Variants in DIP2C observed in about 807,000 individuals in gnomAD.
DIP2C encodes disco-interacting protein 2 homolog C.
In DIP2C, 33 loss-of-function variants were observed where a neutral mutation model predicts 192.4. The ratio of observed to expected loss-of-function variants is 0.17; its 90% CI spans 0.13 to 0.23. The LOEUF (loss-of-function observed/expected upper bound fraction) is 0.23, where lower values mean the gene tolerates loss of function less well. Among genes scored for constraint, DIP2C ranks in the 10% least tolerant of loss-of-function variants. DIP2C has a pLI of 1.00. For missense variants in DIP2C, 1,537 were observed against 2,110.1 expected (o/e 0.73, Z 5.32); for synonymous variants, 979 against 864.1 (o/e 1.13, Z -2.33).
intron 4 of DIP2C, 90 bp downstream of exon 4, chr10:440,781 T>G (rs1012009374): frequency 6.7e-7 from 1 of 1,497,768 alleles, no homozygotes; most frequent in Non-Finnish European, 8.9e-7. Flanking sequence ...CTTCATTATT[T>G]TGAAAGCAAA....
At chr10:486,062 G>T (rs961164114) in intron 2 of DIP2C, among the ~76,000 whole-genome samples, 1 of 152,220 alleles carries the variant, frequency 6.6e-6, no homozygotes, top group Non-Finnish European at 1.5e-5. Flanking sequence ...CCTGGGCGGG[G>T]TATCACAGCA....
chr10:525,206 CATTTTATA>C (rs1564818503), intron 1 of DIP2C, among the ~76,000 whole-genome samples: 1 of 152,138 alleles, frequency 6.6e-6, no homozygotes, highest in Non-Finnish European at 1.5e-5. Flanking sequence ...ATCACATTTT[CATTTTATA>C]ATTTCAAAAT....
At chr10:449,993 T>C (rs1380734516) in intron 3 of DIP2C, among the ~76,000 whole-genome samples, 1 of 148,710 alleles carries the variant, frequency 6.7e-6, no homozygotes, top group Non-Finnish European at 1.5e-5. Flanking sequence ...AGGAGTGAAA[T>C]GGGTGCTGGG....
In DIP2C at chr10:680,984, C is replaced by T. The variant is rs189430568; in HGVS notation, c.85+8510G>A. On this transcript the variant is annotated intron_variant, in intron 1 of 36. Transcript: ENST00000280886. ...GACCCCAGTTGCATGGTGCAGCCAC[C>T]GCCTGCGGCCACGGAAATTCCAAGG... Among the ~76,000 whole-genome samples, 430 of 152,120 alleles carry T rather than the reference C, an allele frequency of 2.8e-3. 1 individual carries two copies. Among genetic ancestry groups the T allele is most frequent in the African/African-American group, 9.6e-3 (399 of 41,498 alleles).
chr10:540,380 C>T lies in DIP2C; in HGVS notation c.86-53850G>A, dbSNP rs183048112. On this transcript the variant is annotated intron_variant, in intron 1 of 36. Coordinates refer to ENST00000280886, the MANE Select transcript of DIP2C (RefSeq NM_014974.3). The stretch of plus-strand genomic sequence containing the variant: ...GGGAAAGCTGCCCGGCCCAGCACTT[C>T]CTGAGATCACACAGAGCTTCCACCT... Among the ~76,000 whole-genome samples the T allele has an allele frequency of 3.0e-4, 45 of 152,358 alleles. 1 individual carries two copies. Among genetic ancestry groups the T allele is most frequent in the Admixed American group, 2.5e-3 (38 of 15,308 alleles).
intron 1 of DIP2C, among the ~76,000 whole-genome samples, chr10:539,159 T>G (rs2089632287): frequency 6.6e-6 from 1 of 152,266 alleles, no homozygotes; most frequent in African/African-American, 2.4e-5. Flanking sequence ...CTATGGCATT[T>G]CTCATCAATT....
intron 17 of DIP2C, among the ~76,000 whole-genome samples, chr10:375,400 C>G (rs150593600): frequency 0.011 from 1,610 of 152,324 alleles, 20 homozygotes; most frequent in African/African-American, 0.028. Flanking sequence ...GCTTCTCTTA[C>G]AGCCTACAGA....
intron 1 of DIP2C, among the ~76,000 whole-genome samples, chr10:544,403 A>T (rs1383810750): frequency 6.6e-6 from 1 of 152,242 alleles, no homozygotes; most frequent in Admixed American, 6.5e-5. Flanking sequence ...AGATTCTTGC[A>T]TAAGATTTTT....
rs36043585 is a variant in DIP2C at position 454,625 on chromosome 10, G to A, written c.269-13629C>T. On this transcript the variant is annotated intron_variant, in intron 3 of 36. Transcript: ENST00000280886. ...GGGGATAAAAACATCAGCACCCTTC[G>A]AACCCCTCAGAGAAAGAGGTAGTAT... Among the ~76,000 whole-genome samples the A allele has an allele frequency of 3.4e-3, 337 of 98,972 alleles. 20 individuals are homozygous for A. Among genetic ancestry groups the A allele is most frequent in the African/African-American group, 0.026 (263 of 9,950 alleles). The allele number at this position is 98,972 out of a possible 152,430, so 64.9% of individuals were successfully genotyped here.
chr10:441,052 C>T (rs1967686892), intron 3 of DIP2C, 56 bp from the exon 4 acceptor site: 2 of 1,564,016 alleles, frequency 1.3e-6, no homozygotes, highest in African/African-American at 1.3e-5. Flanking sequence ...AGAGGCCAAG[C>T]TGCACCCTCC....
intron 1 of DIP2C, among the ~76,000 whole-genome samples, chr10:672,913 T>C (rs1371322665): frequency 6.6e-6 from 1 of 152,180 alleles, no homozygotes; most frequent in African/African-American, 2.4e-5. Context: ...TAAAAAAAAA[T>C]TACATGTACA....
chr10:549,621 G>A (rs1036919841), intron 1 of DIP2C, among the ~76,000 whole-genome samples: 2 of 152,068 alleles, frequency 1.3e-5, no homozygotes, highest in Non-Finnish European at 1.5e-5. Context: ...AGAGGGGAGG[G>A]GTGCCCCCGA....
intron 1 of DIP2C, among the ~76,000 whole-genome samples, chr10:522,808 T>A (rs1158555704): frequency 1.3e-5 from 2 of 152,230 alleles, no homozygotes; most frequent in Non-Finnish European, 2.9e-5. Flanking sequence ...TGTAGATACG[T>A]TCTCCCCGTC....
rs1275572475 is a variant in DIP2C at position 635,246 on chromosome 10, G to T, written c.85+54248C>A. ...CAAGGCAAATCCACCTGTGAATGGG[G>T]TGGGCTCCCAGCTGGCTGTGGATAT... On this transcript the variant is annotated intron_variant, in intron 1 of 36. Coordinates refer to ENST00000280886, the MANE Select transcript of DIP2C (RefSeq NM_014974.3). Among the ~76,000 whole-genome samples the T allele has an allele frequency of 2.6e-5, 4 of 152,356 alleles. No homozygotes were observed. The East Asian group carries it at 7.7e-4, about 29-fold the overall frequency.
intron 1 of DIP2C, among the ~76,000 whole-genome samples, chr10:683,739 G>A (rs567271214): frequency 1.3e-5 from 2 of 152,330 alleles, no homozygotes; most frequent in African/African-American, 4.8e-5. Flanking sequence ...CTCAGCCAAT[G>A]TGCACAGCAT....
rs1171042823 is a variant in DIP2C, at chr10:419,158, C to T, written c.646G>A (p.Glu216Lys). 1 of 1,614,252 alleles carries T rather than the reference C, an allele frequency of 6.2e-7. No homozygotes were observed. Among genetic ancestry groups the T allele is most frequent in the Non-Finnish European group, 8.5e-7 (1 of 1,180,046 alleles). Residue 216 changes from glutamate (E) to lysine (K), a missense_variant, in exon 6 of 37, where the codon GAG becomes AAG. Physicochemically the swap from Glu to Lys is moderately conservative, Grantham distance 56 (BLOSUM62 1). This residue lies in a region of DIP2C where 473 missense variants were observed against 539.6 expected (regional missense o/e 0.88). Coordinates refer to ENST00000280886, the MANE Select transcript of DIP2C (RefSeq NM_014974.3). Reference sequence around the variant, plus strand: ...GGTCTCTCCACCTGTATCGAGTGCTCTGAGGTGTACGTGGTTACGTCAGGA... The same window carrying T: ...GGTCTCTCCACCTGTATCGAGTGCTTTGAGGTGTACGTGGTTACGTCAGGA... ...APPDVTTYTS[E>K]HSIQVERPQG...
At chr10:678,651 CCTGTCCTCCCTGT>C in intron 1 of DIP2C, among the ~76,000 whole-genome samples, 1 of 32,260 alleles carries the variant, frequency 3.1e-5, no homozygotes, top group Non-Finnish European at 1.2e-4. Flanking sequence ...GCTCCCCGCA[CCTGTCCTCCCTGT>C]GCCCAGCTCC....
intron 1 of DIP2C, among the ~76,000 whole-genome samples, chr10:579,490 A>T (rs911139566): frequency 6.6e-6 from 1 of 151,608 alleles, no homozygotes; most frequent in Non-Finnish European, 1.5e-5. Context: ...GTGTACAAAC[A>T]TAAGTGCACT....
Position 277,521 on chromosome 10 carries a change from TC to T in DIP2C, c.4474del (p.Glu1492AsnfsTer11), listed in dbSNP as rs1370703159. 1 of 1,614,160 alleles carries T rather than the reference TC, an allele frequency of 6.2e-7. No individual in the cohort carries two copies. Among genetic ancestry groups the T allele is most frequent in the African/African-American group, 1.3e-5 (1 of 75,046 alleles). On this transcript the variant is annotated frameshift_variant, in exon 37 of 37. Coordinates refer to ENST00000280886, the MANE Select transcript of DIP2C (RefSeq NM_014974.3). LOFTEE classifies it high-confidence loss of function. ...GGGAACCAGGTCCAAGGCTTCTTGT[TC>T]CGACCCATCCAGCTCAACCACAACC... ...LVVVVELDGS[E>X]QEALDLVPLV...
Sources: allele counts gnomAD v4.1 joint callset (sites outside exome capture counted in the v4.1 genomes callset), GRCh38; gene constraint gnomAD v4.1.1; regional missense constraint gnomAD v4.1.1; transcripts MANE v1.5; gene names NCBI Gene and HGNC (gene_info 2026-07-23, HGNC 2026-07-21).